PDE4D: variants seen among roughly 807,000 people sequenced by gnomAD.
PDE4D encodes 3',5'-cyclic-AMP phosphodiesterase 4D.
Under a neutral mutation model 87.4 loss-of-function variants are expected in PDE4D, and 24 were observed. The ratio of observed to expected loss-of-function variants is 0.27; its 90% CI spans 0.20 to 0.39. The LOEUF is 0.39. PDE4D is among the 10% of genes least tolerant of loss of function. PDE4D has a pLI of 1.00. For missense variants in PDE4D, 714 were observed against 1,041.0 expected (o/e 0.69, Z 4.32); for synonymous variants, 384 against 383.2 (o/e 1.00, Z -0.02).
chr5:59,153,667 G>A (rs1779754935), intron 5 of PDE4D, among the ~76,000 whole-genome samples: 1 of 152,074 alleles, frequency 6.6e-6, no homozygotes, highest in Non-Finnish European at 1.5e-5. Flanking sequence ...ATTGAACACA[G>A]GTAAGTTGGC....
At chr5:60,271,652 T>G (rs1750821451) in intron 1 of PDE4D, among the ~76,000 whole-genome samples, 1 of 152,170 alleles carries the variant, frequency 6.6e-6, no homozygotes. Flanking sequence ...AAGACTTCCC[T>G]GCGCTAATCT....
intron 1 of PDE4D, chr5:59,430,604 T>A (rs1314654084): frequency 2.6e-6 from 1 of 385,640 alleles, no homozygotes; most frequent in African/African-American, 2.1e-5. Flanking sequence ...TGTTTTCTGT[T>A]CATTCTGTTC....
intron 1 of PDE4D, among the ~76,000 whole-genome samples, chr5:60,394,064 T>G (rs1762724811): frequency 6.6e-6 from 1 of 152,218 alleles, no homozygotes; most frequent in South Asian, 2.1e-4. Flanking sequence ...AAAGATGAAA[T>G]ATGTTTCAGT....
At chr5:59,446,979 C>G (rs958596497) in intron 1 of PDE4D, among the ~76,000 whole-genome samples, 2 of 152,174 alleles carry the variant, frequency 1.3e-5, no homozygotes, top group African/African-American at 4.8e-5. Context: ...CTTTAGTGCA[C>G]ATTCCTTTGC....
chr5:59,275,289 T>C (rs752840693), intron 1 of PDE4D: 3 of 1,434,920 alleles, frequency 2.1e-6, no homozygotes, highest in Non-Finnish European at 1.9e-6. Flanking sequence ...AAGGAGTACG[T>C]CAATCTTAAA....
At position 59,811,306 on chromosome 5, in the gene PDE4D, C is replaced by T. The variant is rs1161708349; in HGVS notation, c.455+81862G>A. Among the ~76,000 whole-genome samples, 6 of 152,230 alleles carry T rather than the reference C, an allele frequency of 3.9e-5. No homozygotes were observed. In the East Asian group the frequency reaches 1.2e-3, roughly 29 times the overall value. ...GTCTTTTCAACTTTCCACTCTACCT[C>T]ATTATCCACCAAGCTACTTTTCCCA... On this transcript the variant is annotated intron_variant, in intron 1 of 14. Coordinates refer to ENST00000340635, the MANE Select transcript of PDE4D (RefSeq NM_001104631.2).
intron 6 of PDE4D, among the ~76,000 whole-genome samples, chr5:59,023,046 G>T (rs1409692630): frequency 6.6e-6 from 1 of 151,772 alleles, no homozygotes. Flanking sequence ...GTGGTGGCAG[G>T]CGCCTGTAAT....
chr5:60,283,912 GA>G (rs935633453), intron 1 of PDE4D, among the ~76,000 whole-genome samples: 42 of 146,096 alleles, frequency 2.9e-4, no homozygotes, highest in Middle Eastern at 3.6e-3. Flanking sequence ...TCACTACTGG[GA>G]AAAAAAAAAA....
intron 1 of PDE4D, among the ~76,000 whole-genome samples, chr5:60,223,421 A>AGGGCATGG (rs1181493348): frequency 6.6e-6 from 1 of 152,118 alleles, no homozygotes; most frequent in Non-Finnish European, 1.5e-5. Flanking sequence ...ATACTGAATG[A>AGGGCATGG]GGGCATGGGA....
Position 59,914,538 on chromosome 5 carries a change from G to GTA in PDE4D, c.272+73949_272+73950insTA, listed in dbSNP as rs147882260. ...AAAAGACAAAGCCAGGAAGATGTAT[G>GTA]TGTGTGTGTGTGTGTGTGTGTGTGT... On this transcript the variant is annotated intron_variant, in intron 3 of 16. Transcript: ENST00000502484. Among the ~76,000 whole-genome samples the GTA allele has an allele frequency of 0.035, 1,537 of 43,616 alleles. 26 individuals are homozygous for GTA. In the East Asian group the frequency reaches 0.43, roughly 12 times the overall value. 28.6% of individuals were successfully genotyped at this position (43,616 alleles called of 152,430 possible).
chr5:59,179,763 G>T, intron 5 of PDE4D: 1 of 330,666 alleles, frequency 3.0e-6, no homozygotes, highest in Non-Finnish European at 5.9e-6. Context: ...GTTTTAGTTT[G>T]GAGAATATGC....
intron 1 of PDE4D, among the ~76,000 whole-genome samples, chr5:59,795,042 A>G (rs1046057246): frequency 6.6e-6 from 1 of 152,170 alleles, no homozygotes; most frequent in Admixed American, 6.5e-5. Context: ...CTGCAATACC[A>G]GGACTCATAT....
intron 1 of PDE4D, among the ~76,000 whole-genome samples, chr5:59,585,471 G>T (rs1218452148): frequency 6.6e-6 from 1 of 152,188 alleles, no homozygotes; most frequent in Non-Finnish European, 1.5e-5. Flanking sequence ...AACAACCCAT[G>T]TTAGCAGACA....
chr5:60,404,926 T>C (rs868450960), intron 1 of PDE4D, among the ~76,000 whole-genome samples: 10 of 152,198 alleles, frequency 6.6e-5, no homozygotes, highest in Non-Finnish European at 1.3e-4. Flanking sequence ...AGTAGAGAGA[T>C]TGTGGAACCT....
intron 1 of PDE4D, among the ~76,000 whole-genome samples, chr5:59,372,996 T>A (rs1440642437): frequency 2.1e-5 from 3 of 144,042 alleles, no homozygotes; most frequent in African/African-American, 5.2e-5. Context: ...CTCAAGGTCA[T>A]CAAATAGGAT....
At chr5:59,945,485 T>C (rs910101872) in intron 3 of PDE4D, among the ~76,000 whole-genome samples, 1 of 152,240 alleles carries the variant, frequency 6.6e-6, no homozygotes, top group Non-Finnish European at 1.5e-5. Flanking sequence ...TCAATGAAGA[T>C]CTAGGATCTT....
chr5:59,354,661 A>C (rs1326183600), intron 1 of PDE4D, among the ~76,000 whole-genome samples: 1 of 152,234 alleles, frequency 6.6e-6, no homozygotes, highest in East Asian at 1.9e-4. Context: ...AGGGACCTGC[A>C]GAAATGCAAG....
At chr5:60,308,613 A>G (rs928645865) in intron 1 of PDE4D, among the ~76,000 whole-genome samples, 2 of 152,258 alleles carry the variant, frequency 1.3e-5, no homozygotes, top group African/African-American at 4.8e-5. Context: ...GTTGCCACAT[A>G]AGGCAAAATT....
chr5:59,931,851 G>A (rs1392256161), intron 3 of PDE4D, among the ~76,000 whole-genome samples: 1 of 152,010 alleles, frequency 6.6e-6, no homozygotes, highest in Non-Finnish European at 1.5e-5. Flanking sequence ...ACAGGCACCT[G>A]CCACCATACC....
Sources: allele counts gnomAD v4.1 joint callset (sites outside exome capture counted in the v4.1 genomes callset), GRCh38; gene constraint gnomAD v4.1.1; transcripts MANE v1.5; gene names NCBI Gene and HGNC (gene_info 2026-07-23, HGNC 2026-07-21).